FAM13A: variants seen among roughly 807,000 people sequenced by gnomAD.
The protein encoded by FAM13A is family with sequence similarity 13 member A, also known as protein FAM13A.
In FAM13A, 76 loss-of-function variants were observed where a neutral mutation model predicts 129.6. The ratio of observed to expected loss-of-function variants is 0.59; its 90% confidence interval spans 0.49 to 0.71. The LOEUF is 0.71. Among genes scored for constraint, FAM13A ranks in the 30% least tolerant of loss-of-function variants. The pLI, the probability that FAM13A is intolerant of heterozygous loss-of-function variation, is 0.00. For missense variants in FAM13A, 1,108 were observed against 1,249.3 expected, an observed-to-expected ratio of 0.89 and a Z score of 1.70; for synonymous variants, 443 against 449.9, an observed-to-expected ratio of 0.98 and a Z score of 0.20.
At chr4:89,013,701 G>C (rs1215193972) in intron 3 of FAM13A, among the ~76,000 whole-genome samples, 1 of 152,126 alleles carries the variant, frequency 6.6e-6, no homozygotes, top group Non-Finnish European at 1.5e-5. Context: ...TAAAAGTATA[G>C]CATACACAAT....
chr4:88,755,382 A>G (rs756159763), intron 14 of FAM13A, among the ~76,000 whole-genome samples: 4 of 152,324 alleles, frequency 2.6e-5, no homozygotes, highest in Middle Eastern at 3.4e-3. Context: ...AATCCTTGCA[A>G]TAAACTTATT....
chr4:89,057,178 C>T lies in FAM13A; in HGVS notation c.-214G>A. 1 of 1,406,662 alleles carries T rather than the reference C, an allele frequency of 7.1e-7. No homozygotes were observed. The highest frequency in any genetic ancestry group is 9.2e-7 in the Non-Finnish European group (1 of 1,081,918). The allele number at this position is 1,406,662 out of a possible 1,614,324, so 87.1% of individuals were successfully genotyped here. On this transcript the variant is annotated 5_prime_UTR_variant, in exon 1 of 24. Transcript: ENST00000264344. ...GAACCCACATGGCTGGAAGGACTGC[C>T]TGGAGTTGAAATTTGATCCACAGCC...
chr4:88,836,480 T>G (rs867832546), intron 7 of FAM13A, among the ~76,000 whole-genome samples: 27 of 152,332 alleles, frequency 1.8e-4, no homozygotes, highest in African/African-American at 6.3e-4. Context: ...GTCATCTACT[T>G]TTTTCACTCT....
At chr4:88,865,454 T>C (rs1346065011) in intron 6 of FAM13A, among the ~76,000 whole-genome samples, 1 of 152,226 alleles carries the variant, frequency 6.6e-6, no homozygotes, top group African/African-American at 2.4e-5. Flanking sequence ...AAAATGACAA[T>C]ATAGTTGTAA....
At chr4:88,783,824 C>T (rs1723437563) in intron 10 of FAM13A, among the ~76,000 whole-genome samples, 1 of 152,016 alleles carries the variant, frequency 6.6e-6, no homozygotes, top group Non-Finnish European at 1.5e-5. Context: ...GGGGAAGGGG[C>T]ATGTGCAGAC....
At chr4:88,820,136 C>G (rs1731606152) in intron 7 of FAM13A, among the ~76,000 whole-genome samples, 1 of 152,212 alleles carries the variant, frequency 6.6e-6, no homozygotes, top group Admixed American at 6.5e-5. Flanking sequence ...TATACACTCT[C>G]ACAATACGCT....
At chr4:88,806,364 T>C (rs1419888824) in intron 7 of FAM13A, among the ~76,000 whole-genome samples, 1 of 152,190 alleles carries the variant, frequency 6.6e-6, no homozygotes, top group Non-Finnish European at 1.5e-5. Flanking sequence ...TCTCTTTCTC[T>C]CTCTTTTTGC....
At chr4:88,873,795 G>A (rs1187079731) in intron 6 of FAM13A, among the ~76,000 whole-genome samples, 1 of 152,154 alleles carries the variant, frequency 6.6e-6, no homozygotes, top group Non-Finnish European at 1.5e-5. Flanking sequence ...TATGAGGCCA[G>A]CATCATCCTG....
chr4:88,755,437 C>T (rs555605247), intron 14 of FAM13A, among the ~76,000 whole-genome samples: 1 of 152,262 alleles, frequency 6.6e-6, no homozygotes, highest in South Asian at 2.1e-4. Context: ...CCTACTGTTA[C>T]CATCCTATTT....
intron 13 of FAM13A, among the ~76,000 whole-genome samples, chr4:88,764,741 T>C (rs944724497): frequency 6.6e-6 from 1 of 152,200 alleles, no homozygotes; most frequent in Admixed American, 6.5e-5. Context: ...TAGGATATTT[T>C]ATTAAAATGT....
At chr4:88,811,656 A>T (rs572260135) in intron 7 of FAM13A, among the ~76,000 whole-genome samples, 1 of 152,214 alleles carries the variant, frequency 6.6e-6, no homozygotes, top group South Asian at 2.1e-4. Flanking sequence ...CTCTTTCTAC[A>T]GCTAGAAGGT....
At chr4:89,030,825 A>G (rs931854493) in intron 1 of FAM13A, among the ~76,000 whole-genome samples, 6 of 152,216 alleles carry the variant, frequency 3.9e-5, no homozygotes, top group Admixed American at 1.3e-4. Context: ...TATATGTGAC[A>G]TAAGACAATT....
intron 14 of FAM13A, among the ~76,000 whole-genome samples, chr4:88,754,186 A>G (rs997360181): frequency 1.3e-5 from 2 of 152,190 alleles, no homozygotes; most frequent in Non-Finnish European, 1.5e-5. Flanking sequence ...ATGCCTCTCT[A>G]TTAAAAATTA....
chr4:88,900,994 C>A (rs935541874), intron 6 of FAM13A, among the ~76,000 whole-genome samples: 1 of 152,014 alleles, frequency 6.6e-6, no homozygotes, highest in Admixed American at 6.6e-5. Flanking sequence ...GGTTGTAATC[C>A]TAGTTTCTGA....
intron 7 of FAM13A, chr4:88,822,947 C>A (rs1732308699): frequency 6.2e-7 from 1 of 1,609,532 alleles, no homozygotes; most frequent in Non-Finnish European, 8.5e-7. Flanking sequence ...AAATACATAG[C>A]AGAATAAAAT....
chr4:88,787,018 A>G (rs1724103548), intron 10 of FAM13A, among the ~76,000 whole-genome samples: 2 of 152,068 alleles, frequency 1.3e-5, no homozygotes, highest in Non-Finnish European at 2.9e-5. Context: ...TAACCTTGGA[A>G]CTTTCAGGGA....
intron 4 of FAM13A, among the ~76,000 whole-genome samples, chr4:88,948,076 A>C (rs893733590): frequency 3.3e-5 from 5 of 152,198 alleles, no homozygotes; most frequent in Non-Finnish European, 5.9e-5. Context: ...CCAGTACATT[A>C]CTATGAATGT....
chr4:88,857,337 T>C (rs141274154), intron 6 of FAM13A, among the ~76,000 whole-genome samples: 2 of 152,042 alleles, frequency 1.3e-5, no homozygotes, highest in African/African-American at 4.8e-5. Flanking sequence ...TTCAAAAGGT[T>C]TATGTTGAGG....
intron 5 of FAM13A, among the ~76,000 whole-genome samples, chr4:88,916,187 G>C (rs1294387618): frequency 6.6e-6 from 1 of 152,006 alleles, no homozygotes; most frequent in African/African-American, 2.4e-5. Context: ...AAACTACAAA[G>C]AATAAATTAC....
Sources: allele counts gnomAD v4.1 joint callset (sites outside exome capture counted in the v4.1 genomes callset), GRCh38; gene constraint gnomAD v4.1.1; transcripts MANE v1.5; gene names NCBI Gene and HGNC (gene_info 2026-07-23, HGNC 2026-07-21).